ADD1: variants seen among roughly 807,000 people sequenced by gnomAD.
ADD1 encodes alpha-adducin.
A neutral mutation model predicts 80.5 loss-of-function variants in ADD1; 24 were observed. That is an observed-to-expected ratio of 0.30 (90% CI 0.22 to 0.42). ADD1 has a LOEUF of 0.42. Ranked by LOEUF, ADD1 falls within the 10% of genes least tolerant of loss-of-function variation. The pLI is 1.00. For missense variants in ADD1, 948 were observed against 1,019.0 expected, an observed-to-expected ratio of 0.93 and a Z score of 0.95; for synonymous variants, 373 against 393.8, an observed-to-expected ratio of 0.95 and a Z score of 0.63.
At chr4:2,894,272 G>A (rs1734783435) in intron 5 of ADD1, among the ~76,000 whole-genome samples, 179 bp downstream of exon 5, 1 of 152,206 alleles carries the variant, frequency 6.6e-6, no homozygotes, top group Non-Finnish European at 1.5e-5. Flanking sequence ...TCTTGAGTTT[G>A]AATAGTTTCT....
At position 2,930,008 on chromosome 4, in the gene ADD1, A is replaced by G. The variant is rs1712774878; in HGVS notation, c.*1485A>G. ...CACCGACTTGGGAGGACAGGTCCTG[A>G]ATGTCCTTTCTCCAGTGTAACATGT... On this transcript the variant is annotated 3_prime_UTR_variant, in exon 16 of 16. Transcript: ENST00000683351. 1 of 152,564 alleles carries G rather than the reference A, an allele frequency of 6.6e-6. No homozygotes were observed. The highest frequency in any genetic ancestry group is 1.5e-5 in the Non-Finnish European group (1 of 68,050). The allele number at this position is 152,564 out of a possible 1,614,324, so 9.5% of individuals were successfully genotyped here.
At chr4:2,896,418 T>C (rs954089811) in intron 6 of ADD1, among the ~76,000 whole-genome samples, 10 of 151,664 alleles carry the variant, frequency 6.6e-5, no homozygotes, top group Admixed American at 3.3e-4. Flanking sequence ...CATGTTGGCC[T>C]GGCTGGTCTC....
At position 2,926,736 on chromosome 4, in the gene ADD1, T is replaced by G; in HGVS notation, c.2047+624T>G. 1 of 1,530,176 alleles carries G rather than the reference T, an allele frequency of 6.5e-7. No homozygotes were observed. The highest frequency in any genetic ancestry group is 9.0e-7 in the Non-Finnish European group (1 of 1,116,310). 94.8% of individuals were successfully genotyped at this position (1,530,176 alleles called of 1,614,324 possible). ...CCTGCGCTTTGCCTCATTCTCCTGCTTCTTTGTTGTTTATTAAGTTTTGTT... is the reference window on the plus strand; with the variant it reads ...CCTGCGCTTTGCCTCATTCTCCTGCGTCTTTGTTGTTTATTAAGTTTTGTT... On this transcript the variant is annotated intron_variant, in intron 15 of 15. Transcript: ENST00000683351. This position sits in a 1 kb window ranked among gnomAD's most constrained non-coding sequence, Gnocchi z 5.0.
intron 1 of ADD1, among the ~76,000 whole-genome samples, chr4:2,847,868 G>A (rs1407162495): frequency 1.3e-5 from 2 of 152,152 alleles, no homozygotes; most frequent in Admixed American, 1.3e-4. Flanking sequence ...CTTTCCTAAG[G>A]AGGCAACCAG....
rs374251009 is a variant in ADD1, at chr4:2,912,534, T to C, written c.1792-2350T>C. Among the ~76,000 whole-genome samples, 16 of 138,938 alleles carry C rather than the reference T, an allele frequency of 1.2e-4. No homozygotes were observed. In the South Asian group the frequency reaches 2.0e-3, roughly 17 times the overall value. The allele number at this position is 138,938 out of a possible 152,430, so 91.1% of individuals were successfully genotyped here. Reference sequence around the variant, plus strand: ...TGCCAATGGATTTTTATTTGTATTTTTATTTTTATTTTGAGACAGCATCTT... The same window carrying C: ...TGCCAATGGATTTTTATTTGTATTTCTATTTTTATTTTGAGACAGCATCTT... On this transcript the variant is annotated intron_variant, in intron 13 of 15. Transcript: ENST00000683351.
Position 2,867,208 on chromosome 4 carries a change from T to C in ADD1, c.-20-8688T>C, listed in dbSNP as rs16843503. 3.9e-3 allele frequency among the ~76,000 whole-genome samples: 595 copies of C among 152,364 alleles called. 22 individuals carry two copies. The highest frequency in any genetic ancestry group is 0.033 in the Admixed American group (503 of 15,306). On this transcript the variant is annotated intron_variant, in intron 1 of 15. Coordinates refer to ENST00000683351, the MANE Select transcript of ADD1 (RefSeq NM_001354761.2). ...TCTGCAGTGGTCTTTATAGGGTCTT[T>C]AGACAATTCGTGGTCACTTTTCTGG...
intron 4 of ADD1, 93 bp downstream of exon 4, chr4:2,884,759 T>A: frequency 7.2e-7 from 1 of 1,395,140 alleles, no homozygotes; most frequent in Admixed American, 2.2e-5. Context: ...GGAAGCAGGC[T>A]GAGCTTCAGT....
chr4:2,863,621 C>T (rs1427783368), intron 1 of ADD1, among the ~76,000 whole-genome samples: 1 of 152,170 alleles, frequency 6.6e-6, no homozygotes, highest in Non-Finnish European at 1.5e-5. Flanking sequence ...AGCCACCCTA[C>T]AGTGAGTGTC....
intron 1 of ADD1, among the ~76,000 whole-genome samples, chr4:2,869,516 A>G (rs561301544): frequency 1.3e-5 from 2 of 152,316 alleles, no homozygotes; most frequent in South Asian, 4.1e-4. Context: ...AAATAAGGGC[A>G]TATTCTGAGG....
rs531538634 is a variant in ADD1, at chr4:2,852,530, T to G, written c.-21+8506T>G. Among the ~76,000 whole-genome samples, 18 of 150,968 alleles carry G rather than the reference T, an allele frequency of 1.2e-4. No homozygotes were observed. In the South Asian group the frequency reaches 3.4e-3, roughly 28 times the overall value. On this transcript the variant is annotated intron_variant, in intron 1 of 15. Coordinates refer to ENST00000683351, the MANE Select transcript of ADD1 (RefSeq NM_001354761.2). ...TTTTGTAGAGATGGGGTTTCGCAGATACTCCATTTCAGTTTTTTTCTGAGC... is the reference window on the plus strand; with the variant it reads ...TTTTGTAGAGATGGGGTTTCGCAGAGACTCCATTTCAGTTTTTTTCTGAGC...
intron 1 of ADD1, among the ~76,000 whole-genome samples, chr4:2,850,884 C>T (rs969909276): frequency 6.6e-6 from 1 of 152,164 alleles, no homozygotes; most frequent in Non-Finnish European, 1.5e-5. Context: ...GTAGGCAAAT[C>T]TATACAGGCA....
intron 9 of ADD1, among the ~76,000 whole-genome samples, chr4:2,903,307 C>T (rs1403110141): frequency 2.0e-5 from 3 of 152,216 alleles, no homozygotes; most frequent in African/African-American, 7.2e-5. Flanking sequence ...GAGCAGACAG[C>T]TCTTCAGCAT....
At position 2,875,960 on chromosome 4, in the gene ADD1, G is replaced by T. The variant is rs140936293; in HGVS notation, c.45G>T (p.Pro15=). The T allele has an allele frequency of 8.0e-4, 1,292 of 1,613,398 alleles. 6 individuals are homozygous for T. The highest frequency in any genetic ancestry group is 5.8e-3 in the Middle Eastern group (35 of 6,056). ...CTGCGGTGGTGACCTCACCACCCCCGACCACAGCCCCTCACAAGGAGAGGT... is the reference window on the plus strand; with the variant it reads ...CTGCGGTGGTGACCTCACCACCCCCTACCACAGCCCCTCACAAGGAGAGGT... The part of the protein sequence containing the change: ...SRAAVVTSPP[P]TTAPHKERYF... The change falls in exon 2 of 16, where the codon CCG becomes CCT. Residue 15 remains proline (P), a synonymous_variant. Coordinates refer to ENST00000683351, the MANE Select transcript of ADD1 (RefSeq NM_001354761.2).
intron 1 of ADD1, among the ~76,000 whole-genome samples, chr4:2,856,679 C>T (rs775637731): frequency 6.6e-6 from 1 of 150,598 alleles, no homozygotes; most frequent in African/African-American, 2.5e-5. Context: ...GCAACCTCCA[C>T]CTCCTGGGTT....
chr4:2,927,963 A>C (rs1395908588), intron 15 of ADD1, among the ~76,000 whole-genome samples: 6 of 152,154 alleles, frequency 3.9e-5, no homozygotes, highest in Admixed American at 3.9e-4. Context: ...AAGGAGCTAA[A>C]AACTACCCCG....
At chr4:2,925,855 T>A (rs1740874785) in intron 14 of ADD1, among the ~76,000 whole-genome samples, 159 bp from the exon 15 acceptor site, 1 of 152,246 alleles carries the variant, frequency 6.6e-6, no homozygotes, top group Admixed American at 6.5e-5. Context: ...AGGTCACAGC[T>A]TCCTTTATCC....
At position 2,928,869 on chromosome 4, in the gene ADD1, T is replaced by G; in HGVS notation, c.*346T>G. Reference sequence around the variant, plus strand: ...TGAGCCTCACCTTTCCTGCCGTCCCTCCTGTTGTGAAATCACCACATTCTG... The same window carrying G: ...TGAGCCTCACCTTTCCTGCCGTCCCGCCTGTTGTGAAATCACCACATTCTG... On this transcript the variant is annotated 3_prime_UTR_variant, in exon 16 of 16. Coordinates refer to ENST00000683351, the MANE Select transcript of ADD1 (RefSeq NM_001354761.2). 1 of 263,350 alleles carries G rather than the reference T, an allele frequency of 3.8e-6. No individual in the cohort carries two copies. Among genetic ancestry groups the G allele is most frequent in the South Asian group, 6.0e-5 (1 of 16,632 alleles). The allele number at this position is 263,350 out of a possible 1,614,324, so 16.3% of individuals were successfully genotyped here. A position where few individuals can be genotyped will look rare whatever the true frequency, so the allele number is the denominator to read the frequency against.
At chr4:2,849,985 CAT>C (rs1726817058) in intron 1 of ADD1, among the ~76,000 whole-genome samples, 1 of 152,218 alleles carries the variant, frequency 6.6e-6, no homozygotes, top group Non-Finnish European at 1.5e-5. Context: ...CAAGTGAAAA[CAT>C]ATGTCCGTAC....
At chr4:2,903,678 C>T (rs1411559654) in intron 9 of ADD1, among the ~76,000 whole-genome samples, 1 of 152,210 alleles carries the variant, frequency 6.6e-6, no homozygotes, top group Non-Finnish European at 1.5e-5. Context: ...AATTCCGCTA[C>T]TTAGAAGCAA....
Sources: allele counts gnomAD v4.1 joint callset (sites outside exome capture counted in the v4.1 genomes callset), GRCh38; gene constraint gnomAD v4.1.1; non-coding constraint Gnocchi (gnomAD v3.1); transcripts MANE v1.5; gene names NCBI Gene and HGNC (gene_info 2026-07-23, HGNC 2026-07-21).